The following CFAP263 variants were observed in gnomAD, a reference collection of about 807,000 sequenced individuals.
CFAP263 encodes cilia and flagella associated protein 263, also known as cilia- and flagella-associated protein 263.
At chr16:58,253,555 AC>A in the CFAP263 span, among the ~76,000 whole-genome samples, 1 of 152,088 alleles carries the variant, frequency 6.6e-6, no homozygotes, top group Admixed American at 6.5e-5. Context: ...ACCCTGGACC[AC>A]CCGCTTCTGA....
the CFAP263 span, among the ~76,000 whole-genome samples, chr16:58,265,731 T>C: frequency 6.6e-6 from 1 of 152,198 alleles, no homozygotes; most frequent in Non-Finnish European, 1.5e-5. Flanking sequence ...TGTGGTAATT[T>C]GTTATGTAGC....
chr16:58,251,410 C>T, the CFAP263 span, among the ~76,000 whole-genome samples: 7 of 152,094 alleles, frequency 4.6e-5, no homozygotes, highest in Non-Finnish European at 5.9e-5. Flanking sequence ...GTTTTTGATA[C>T]GGAATCTCAC....
At chr16:58,272,770 C>CTT in the CFAP263 span, among the ~76,000 whole-genome samples, 3 of 137,622 alleles carry the variant, frequency 2.2e-5, no homozygotes, top group Non-Finnish European at 3.2e-5. Context: ...ATCTTAATGG[C>CTT]TTTTTTTTTT....
At chr16:58,269,378 G>GAAGAACGA in the CFAP263 span, among the ~76,000 whole-genome samples, 4 of 149,228 alleles carry the variant, frequency 2.7e-5, no homozygotes, top group Admixed American at 2.0e-4. Context: ...TTATTTATAA[G>GAAGAACGA]AAGAAAGGAA....
At chr16:58,281,727 C>T in the CFAP263 span, 15,808 of 152,282 alleles carry the variant, frequency 0.1, 914 homozygotes, top group Admixed American at 0.13. Context: ...GGAATGGGGC[C>T]GCAATTAACA....
chr16:58,261,930 G>T, the CFAP263 span, among the ~76,000 whole-genome samples: 1 of 152,018 alleles, frequency 6.6e-6, no homozygotes, highest in African/African-American at 2.4e-5. Context: ...TGCTTGTCCT[G>T]GGTTTTTCAT....
the CFAP263 span, among the ~76,000 whole-genome samples, chr16:58,272,732 T>G: frequency 6.6e-6 from 1 of 152,108 alleles, no homozygotes; most frequent in Non-Finnish European, 1.5e-5. Flanking sequence ...CTCTTTCAGT[T>G]GAATTTGGTG....
chr16:58,265,180 C>T, the CFAP263 span, among the ~76,000 whole-genome samples: 3 of 152,368 alleles, frequency 2.0e-5, no homozygotes, highest in African/African-American at 4.8e-5. Context: ...GGTGTCTACA[C>T]CCTGTATAAT....
chr16:58,252,879 C>A, the CFAP263 span: 1 of 1,610,566 alleles, frequency 6.2e-7, no homozygotes, highest in Non-Finnish European at 8.5e-7. Flanking sequence ...CTAGATCATT[C>A]TTTTATTGTT....
the CFAP263 span, chr16:58,278,456 G>C: frequency 1.1e-4 from 174 of 1,611,312 alleles, no homozygotes; most frequent in African/African-American, 2.1e-3. Flanking sequence ...GGGTTCCCTG[G>C]GTGTAACTGG....
At chr16:58,252,791 C>A in the CFAP263 span, 1 of 1,612,718 alleles carries the variant, frequency 6.2e-7, no homozygotes, top group Non-Finnish European at 8.5e-7. Flanking sequence ...TAAACTGGAG[C>A]CCAGGGATCA....
chr16:58,259,925 A>G, the CFAP263 span: 1 of 1,601,264 alleles, frequency 6.2e-7, no homozygotes. Context: ...TGCTTTTACA[A>G]TTGAGGCAGG....
chr16:58,252,720 C>T, the CFAP263 span: 1 of 1,612,426 alleles, frequency 6.2e-7, no homozygotes, highest in Non-Finnish European at 8.5e-7. Context: ...GGTACCCTGT[C>T]TTGCAGCTAT....
chr16:58,271,540 C>T, the CFAP263 span, among the ~76,000 whole-genome samples: 1 of 152,164 alleles, frequency 6.6e-6, no homozygotes, highest in Admixed American at 6.5e-5. Context: ...TGCTATGTCT[C>T]CTTAAGCTCC....
At chr16:58,281,954 C>G in the CFAP263 span, 1 of 151,780 alleles carries the variant, frequency 6.6e-6, no homozygotes, top group Non-Finnish European at 1.5e-5. Context: ...GCAATTCTCC[C>G]ACCTCAGCCT....
the CFAP263 span, chr16:58,259,997 A>C: frequency 1.8e-6 from 2 of 1,081,134 alleles, no homozygotes; most frequent in Admixed American, 4.2e-5. Flanking sequence ...AGGCTGAATA[A>C]GGTTCCCACC....
At chr16:58,278,330 T>C in the CFAP263 span, 1 of 682,116 alleles carries the variant, frequency 1.5e-6, no homozygotes, top group Non-Finnish European at 2.4e-6. Flanking sequence ...AATCAGAATC[T>C]TGTGATTCCC....
the CFAP263 span, chr16:58,279,773 A>G: frequency 6.2e-7 from 1 of 1,612,758 alleles, no homozygotes; most frequent in African/African-American, 1.3e-5. Context: ...CTTGCTGGGA[A>G]GTAGCCAGAG....
At chr16:58,258,642 C>T in the CFAP263 span, 74 of 898,144 alleles carry the variant, frequency 8.2e-5, no homozygotes, top group Non-Finnish European at 1.1e-4. Flanking sequence ...CCCACATATG[C>T]GGATTTTCTT....
Sources: allele counts gnomAD v4.1 joint callset (sites outside exome capture counted in the v4.1 genomes callset), GRCh38; gene constraint gnomAD v4.1.1; transcripts MANE v1.5; gene names NCBI Gene and HGNC (gene_info 2026-07-23, HGNC 2026-07-21).